Variants in FBXL7 observed in about 807,000 individuals in gnomAD.
FBXL7 encodes F-box/LRR-repeat protein 7.
FBXL7 carries 12 observed loss-of-function variants against 38.3 expected under a neutral mutation model. That is an observed-to-expected ratio of 0.31 (90% CI 0.20 to 0.51). The LOEUF (loss-of-function observed/expected upper bound fraction) is 0.51. FBXL7 is among the 20% of genes least tolerant of loss of function. FBXL7 has a pLI of 0.98. For synonymous variants in FBXL7, 297 were observed against 300.9 expected (o/e 0.99, Z 0.13); for missense variants, 567 against 676.4 (o/e 0.84, Z 1.79).
intron 1 of FBXL7, among the ~76,000 whole-genome samples, chr5:15,567,381 C>A (rs1489878382): frequency 6.6e-6 from 1 of 151,960 alleles, no homozygotes; most frequent in Non-Finnish European, 1.5e-5. Flanking sequence ...GTTTTTTCTT[C>A]CAAGCTGTAA....
chr5:15,571,415 G>T (rs1019630206), intron 1 of FBXL7, among the ~76,000 whole-genome samples: 1 of 152,162 alleles, frequency 6.6e-6, no homozygotes, highest in Non-Finnish European at 1.5e-5. Context: ...AGAGATGTAG[G>T]ATGTGAAAAG....
intron 2 of FBXL7, among the ~76,000 whole-genome samples, chr5:15,898,809 T>C (rs1741166031): frequency 6.6e-6 from 1 of 152,208 alleles, no homozygotes; most frequent in African/African-American, 2.4e-5. Context: ...TGCAGCGCCA[T>C]TTCCTCAGTT....
chr5:15,749,346 G>T (rs1251625569), intron 2 of FBXL7, among the ~76,000 whole-genome samples: 1 of 152,076 alleles, frequency 6.6e-6, no homozygotes, highest in East Asian at 1.9e-4. Flanking sequence ...TGTATCCTCG[G>T]CTGGGTGCGG....
chr5:15,721,289 C>A (rs956647087), intron 2 of FBXL7, among the ~76,000 whole-genome samples: 1 of 152,054 alleles, frequency 6.6e-6, no homozygotes, highest in African/African-American at 2.4e-5. Flanking sequence ...TAATCCCTTT[C>A]TAAATTCCTT....
intron 3 of FBXL7, among the ~76,000 whole-genome samples, chr5:15,934,193 C>T (rs983922248): frequency 6.6e-6 from 1 of 152,042 alleles, no homozygotes; most frequent in Non-Finnish European, 1.5e-5. Context: ...TTAGTAGAGA[C>T]GGGGTTTTGC....
chr5:15,698,897 A>T (rs1353272366), intron 2 of FBXL7, among the ~76,000 whole-genome samples: 1 of 152,230 alleles, frequency 6.6e-6, no homozygotes, highest in Non-Finnish European at 1.5e-5. Flanking sequence ...TGGCCTAGAC[A>T]TCTCTTAGCT....
intron 2 of FBXL7, among the ~76,000 whole-genome samples, chr5:15,671,695 G>T (rs532906260): frequency 1.1e-4 from 17 of 152,250 alleles, no homozygotes; most frequent in African/African-American, 3.9e-4. Flanking sequence ...TATGGTTATA[G>T]GTGTAACAAA....
intron 2 of FBXL7, among the ~76,000 whole-genome samples, chr5:15,714,204 A>C (rs1336824453): frequency 2.6e-5 from 4 of 151,872 alleles, no homozygotes; most frequent in African/African-American, 9.7e-5. Context: ...ATGGGGGCAA[A>C]TTTTCTTCTT....
chr5:15,564,553 G>A (rs1020919319), intron 1 of FBXL7, among the ~76,000 whole-genome samples: 8 of 151,926 alleles, frequency 5.3e-5, no homozygotes, highest in Non-Finnish European at 7.4e-5. Context: ...AGCAATAGCA[G>A]GAAATGAAAA....
intron 2 of FBXL7, among the ~76,000 whole-genome samples, chr5:15,904,809 G>A (rs1163808797): frequency 6.6e-6 from 1 of 152,062 alleles, no homozygotes. Context: ...GGCCACCCAT[G>A]TCACAATGTA....
At chr5:15,831,587 G>C (rs914242659) in intron 2 of FBXL7, among the ~76,000 whole-genome samples, 4 of 152,190 alleles carry the variant, frequency 2.6e-5, no homozygotes, top group African/African-American at 9.6e-5. Context: ...TCTTATAAAA[G>C]CTTTAATTGG....
intron 2 of FBXL7, among the ~76,000 whole-genome samples, chr5:15,667,051 T>G (rs1474174862): frequency 3.3e-5 from 5 of 152,200 alleles, no homozygotes; most frequent in Admixed American, 2.6e-4. Context: ...TACTTTAACT[T>G]TTTAAGAAAT....
chr5:15,720,842 A>G (rs1349585713), intron 2 of FBXL7, among the ~76,000 whole-genome samples: 1 of 151,956 alleles, frequency 6.6e-6, no homozygotes, highest in Non-Finnish European at 1.5e-5. Flanking sequence ...AGAACATAGC[A>G]TATTATATAA....
At chr5:15,555,887 A>C (rs1277856806) in intron 1 of FBXL7, among the ~76,000 whole-genome samples, 5 of 152,006 alleles carry the variant, frequency 3.3e-5, no homozygotes, top group African/African-American at 1.2e-4. Flanking sequence ...ACTTGATATA[A>C]TCTCTAGGCA....
At chr5:15,682,183 C>T (rs961924235) in intron 2 of FBXL7, among the ~76,000 whole-genome samples, 1 of 152,310 alleles carries the variant, frequency 6.6e-6, no homozygotes, top group Admixed American at 6.5e-5. Context: ...AGGCTTTATC[C>T]ATCATAGGTG....
At chr5:15,868,079 G>A (rs1376212820) in intron 2 of FBXL7, among the ~76,000 whole-genome samples, 1 of 150,342 alleles carries the variant, frequency 6.7e-6, no homozygotes, top group African/African-American at 2.5e-5. Flanking sequence ...ACTCCAGCGT[G>A]GCGACAGAGC....
At chr5:15,635,830 C>G (rs532729933) in intron 2 of FBXL7, among the ~76,000 whole-genome samples, 1 of 152,184 alleles carries the variant, frequency 6.6e-6, no homozygotes, top group Non-Finnish European at 1.5e-5. Context: ...AGTGAGGGCA[C>G]CTGCCACCTC....
chr5:15,825,949 T>C (rs1738298901), intron 2 of FBXL7, among the ~76,000 whole-genome samples: 1 of 152,222 alleles, frequency 6.6e-6, no homozygotes, highest in Admixed American at 6.5e-5. Flanking sequence ...ATTACCGGGC[T>C]AGCGCTCATT....
chr5:15,652,233 G>A (rs1741733875), intron 2 of FBXL7, among the ~76,000 whole-genome samples: 1 of 152,130 alleles, frequency 6.6e-6, no homozygotes, highest in Non-Finnish European at 1.5e-5. Context: ...CTTATCATTT[G>A]TGTGTTCACT....
Sources: allele counts gnomAD v4.1 joint callset (sites outside exome capture counted in the v4.1 genomes callset), GRCh38; gene constraint gnomAD v4.1.1; transcripts MANE v1.5; gene names NCBI Gene and HGNC (gene_info 2026-07-23, HGNC 2026-07-21).